The following SMARCD3 variants were observed in gnomAD, a reference collection of about 807,000 sequenced individuals.
SMARCD3 encodes SWI/SNF related BAF chromatin remodeling complex subunit D3, also known as SWI/SNF-related matrix-associated actin-dependent regulator of chromatin subfamily D member 3.
A neutral mutation model predicts 58.0 loss-of-function variants in SMARCD3; 14 were observed. That is an observed-to-expected ratio of 0.24 (90% CI 0.16 to 0.38). The LOEUF is 0.38. SMARCD3 is among the 10% of genes least tolerant of loss of function. SMARCD3 has a pLI of 1.00. For missense variants in SMARCD3, 408 were observed against 636.9 expected (o/e 0.64, Z 3.87); for synonymous variants, 253 against 253.8 (o/e 1.00, Z 0.03).
chr7:151,273,297 T>C (rs1795235579), intron 2 of SMARCD3, among the ~76,000 whole-genome samples: 1 of 152,186 alleles, frequency 6.6e-6, no homozygotes, highest in Admixed American at 6.5e-5. Flanking sequence ...TCTGCCCTCC[T>C]TCCCCTGTGC....
Position 151,239,282 on chromosome 7 carries a change from G to C in SMARCD3, c.1398+114C>G. ...GCAGGGAGGGCCATTGCATGGTGAGGCAGCGTGGTGAAGCTTTACTGTGGG... is the reference window on the plus strand; with the variant it reads ...GCAGGGAGGGCCATTGCATGGTGAGCCAGCGTGGTGAAGCTTTACTGTGGG... On this transcript the variant is annotated intron_variant, in intron 12 of 12. Transcript: ENST00000262188. This position sits in a 1 kb window ranked among gnomAD's most constrained non-coding sequence, Gnocchi z 7.0. The C allele has an allele frequency of 7.6e-7, 1 of 1,315,514 alleles. No homozygotes were observed. The allele number at this position is 1,315,514 out of a possible 1,614,324, so 81.5% of individuals were successfully genotyped here.
chr7:151,248,848 G>GTCCCCGCC, upstream of SMARCD3: 1 of 232,754 alleles, frequency 4.3e-6, no homozygotes, highest in Non-Finnish European at 7.2e-6. This position sits in a 1 kb window ranked among gnomAD's most constrained non-coding sequence, Gnocchi z 6.1. Flanking sequence ...GACTCGGCGG[G>GTCCCCGCC]GACGGGGCCG....
rs1056629164 is a variant in SMARCD3 at position 151,246,792 on chromosome 7, CAG to C, written c.79-1123_79-1122del. The stretch of plus-strand genomic sequence containing the variant: ...ACTCCAGAAGGGAGATGGGGAGGGC[CAG>C]AGAGAGTTTCAGGGGCTGTGAAACA... On this transcript the variant is annotated intron_variant, in intron 1 of 12. Transcript: ENST00000262188. The surrounding 1 kb of genome is among the most constrained non-coding windows in gnomAD (Gnocchi z 4.4). 2.0e-5 allele frequency among the ~76,000 whole-genome samples: 3 copies of C among 152,174 alleles called. No homozygotes were observed. Among genetic ancestry groups the C allele is most frequent in the African/African-American group, 7.2e-5 (3 of 41,510 alleles).
chr7:151,241,763 G>T lies in SMARCD3; in HGVS notation c.778-110C>A. 7.2e-7 allele frequency: 1 copy of T among 1,382,996 alleles called. No individual in the cohort carries two copies. Among genetic ancestry groups the T allele is most frequent in the Non-Finnish European group, 1.0e-6 (1 of 989,910 alleles). The allele number at this position is 1,382,996 out of a possible 1,614,324, so 85.7% of individuals were successfully genotyped here. A position where few individuals can be genotyped will look rare whatever the true frequency, so the allele number is the denominator to read the frequency against. On this transcript the variant is annotated intron_variant, in intron 7 of 12. Coordinates refer to ENST00000262188, the MANE Select transcript of SMARCD3 (RefSeq NM_001003801.2). This position sits in a 1 kb window ranked among gnomAD's most constrained non-coding sequence, Gnocchi z 5.3. ...TGTTGATTGAGGAAACATGCCCCTG[G>T]GGAAGGATAGGTTTGGGAGGGGAAG...
At chr7:151,260,881 G>C (rs1387995101) in intron 2 of SMARCD3, among the ~76,000 whole-genome samples, 2 of 152,204 alleles carry the variant, frequency 1.3e-5, no homozygotes, top group African/African-American at 4.8e-5. Context: ...GTGGGATTGA[G>C]AAAGAGATGG....
At chr7:151,251,941 C>T (rs1310352565), upstream of SMARCD3, among the ~76,000 whole-genome samples, 1 of 148,306 alleles carries the variant, frequency 6.7e-6, no homozygotes, top group East Asian at 2.0e-4. Flanking sequence ...CCGCGCCGCC[C>T]CTCCCTCCGC....
intron 2 of SMARCD3, among the ~76,000 whole-genome samples, chr7:151,261,842 C>G (rs12375141): frequency 0.048 from 7,308 of 152,312 alleles, 241 homozygotes; most frequent in East Asian, 0.14. Context: ...CTCTTAGAAG[C>G]CAGCCAGGTG....
chr7:151,257,708 C>T (rs796355165), intron 2 of SMARCD3, among the ~76,000 whole-genome samples: 14 of 152,244 alleles, frequency 9.2e-5, no homozygotes, highest in Middle Eastern at 3.4e-3. Context: ...TCTTGCCTCC[C>T]GGGTTGCTCC....
intron 9 of SMARCD3, 34 bp downstream of exon 9, chr7:151,240,391 C>G (rs915954139): frequency 1.3e-6 from 2 of 1,595,268 alleles, no homozygotes; most frequent in East Asian, 4.5e-5. Context: ...CGAGATCATT[C>G]CCTGGTCTGA....
chr7:151,259,982 C>A (rs1803864747), intron 2 of SMARCD3, among the ~76,000 whole-genome samples: 1 of 152,176 alleles, frequency 6.6e-6, no homozygotes, highest in Admixed American at 6.5e-5. Context: ...CAAGCACTTC[C>A]ACACACAGTA....
At chr7:151,240,562 T>C (rs1159998327) in intron 8 of SMARCD3, 40 bp from the exon 9 acceptor site, 1 of 1,402,208 alleles carries the variant, frequency 7.1e-7, no homozygotes, top group Non-Finnish European at 1.0e-6. Flanking sequence ...TCACTCTTCT[T>C]GAAGAGATCA....
chr7:151,257,895 C>T (rs911998544), intron 2 of SMARCD3, among the ~76,000 whole-genome samples: 3 of 152,150 alleles, frequency 2.0e-5, no homozygotes, highest in Middle Eastern at 3.2e-3. Context: ...TCCTCCAGCC[C>T]GGTCCTCTCT....
intron 2 of SMARCD3, among the ~76,000 whole-genome samples, chr7:151,258,172 C>T (rs1803765102): frequency 6.6e-6 from 1 of 152,098 alleles, no homozygotes; most frequent in East Asian, 1.9e-4. Flanking sequence ...TCTCACCTCT[C>T]CCCGGATGCC....
intron 2 of SMARCD3, among the ~76,000 whole-genome samples, chr7:151,244,243 G>T (rs1274137910): frequency 6.6e-6 from 1 of 152,014 alleles, no homozygotes; most frequent in Non-Finnish European, 1.5e-5. Context: ...TGATGGGCTG[G>T]GGGTACTCAT....
At chr7:151,247,216 G>A (rs78740585) in intron 1 of SMARCD3, among the ~76,000 whole-genome samples, 11,535 of 152,152 alleles carry the variant, frequency 0.076, 579 homozygotes, top group Non-Finnish European at 0.11. Context: ...AAGAACTGAA[G>A]CTGTAAGTTG....
intron 2 of SMARCD3, among the ~76,000 whole-genome samples, chr7:151,261,527 G>A (rs540294093): frequency 1.3e-5 from 2 of 152,210 alleles, no homozygotes; most frequent in African/African-American, 2.4e-5. Flanking sequence ...ATGGGTGGAT[G>A]TGAAGATTAA....
chr7:151,257,700 T>C (rs1803746403), intron 2 of SMARCD3, among the ~76,000 whole-genome samples: 1 of 152,154 alleles, frequency 6.6e-6, no homozygotes, highest in African/African-American at 2.4e-5. Flanking sequence ...GGCTGACCTC[T>C]TGCCTCCCGG....
chr7:151,242,801 A>G lies in SMARCD3; in HGVS notation c.376T>C (p.Leu126=), dbSNP rs769584979. The change falls in exon 4 of 13, where the codon TTG becomes CTG. Residue 126 remains leucine (L), a synonymous_variant. Coordinates refer to ENST00000262188, the MANE Select transcript of SMARCD3 (RefSeq NM_001003801.2). The surrounding 1 kb of genome is among the most constrained non-coding windows in gnomAD (Gnocchi z 4.7). ...VPESQAYMDL[L]AFERKLDQTI... ...TGATCCAGTTTCCTCTCAAATGCCA[A>G]GAGGTCCATGTAAGCCTGGGACTCG... is the stretch of plus-strand genomic sequence containing the variant. The G allele has an allele frequency of 1.2e-6, 2 of 1,614,176 alleles. No individual in the cohort carries two copies. The highest frequency in any genetic ancestry group is 1.7e-6 in the Non-Finnish European group (2 of 1,180,020).
exon 2 of SMARCD3, chr7:151,275,219 C>T (rs774177850): frequency 1.3e-5 from 18 of 1,393,576 alleles, no homozygotes; most frequent in South Asian, 4.8e-5. Context: ...CGGAGCCCAC[C>T]GCGCCTGCAG....
Sources: allele counts gnomAD v4.1 joint callset (sites outside exome capture counted in the v4.1 genomes callset), GRCh38; gene constraint gnomAD v4.1.1; non-coding constraint Gnocchi (gnomAD v3.1); transcripts MANE v1.5; gene names NCBI Gene and HGNC (gene_info 2026-07-23, HGNC 2026-07-21).